Variants in OVCH1 observed in about 807,000 individuals in gnomAD.
OVCH1 encodes ovochymase 1.
A neutral mutation model predicts 138.4 loss-of-function variants in OVCH1; 139 were observed. The ratio of observed to expected loss-of-function variants is 1.00; its 90% CI spans 0.87 to 1.16. The LOEUF is 1.16. Ranked by LOEUF, OVCH1 falls within the 50% of genes most tolerant of loss-of-function variation. The pLI, the probability that OVCH1 is intolerant of heterozygous loss-of-function variation, is 0.00. For missense variants in OVCH1, 1,367 were observed against 1,357.9 expected (o/e 1.01, Z -0.11); for synonymous variants, 453 against 467.8 (o/e 0.97, Z 0.41).
chr12:29,404,040 T>G, the OVCH1 span, among the ~76,000 whole-genome samples: 1 of 152,166 alleles, frequency 6.6e-6, no homozygotes, highest in Non-Finnish European at 1.5e-5. Context: ...AACACCAACC[T>G]CTGCAATGAT....
intron 19 of OVCH1, among the ~76,000 whole-genome samples, chr12:29,455,770 C>T (rs1941933381): frequency 6.6e-6 from 1 of 152,136 alleles, no homozygotes; most frequent in African/African-American, 2.4e-5. Flanking sequence ...AAAATTTAAT[C>T]AGAAAACTGC....
At chr12:29,433,257 T>C (rs1204752067) in intron 27 of OVCH1, among the ~76,000 whole-genome samples, 1 of 152,034 alleles carries the variant, frequency 6.6e-6, no homozygotes, top group Non-Finnish European at 1.5e-5. Flanking sequence ...CGGTAGGAGG[T>C]AATTGAATCA....
At chr12:29,485,438 C>T (rs922150653) in intron 8 of OVCH1, among the ~76,000 whole-genome samples, 12 of 149,942 alleles carry the variant, frequency 8.0e-5, no homozygotes, top group African/African-American at 2.7e-4. Context: ...GTCAGGAGTT[C>T]GAGACCAGCC....
At chr12:29,464,456 T>C (rs1452987828) in intron 18 of OVCH1, 51 bp downstream of exon 18, 4 of 1,572,196 alleles carry the variant, frequency 2.5e-6, no homozygotes, top group Non-Finnish European at 3.5e-6. Context: ...CATGACCTAT[T>C]TTCAAAAATA....
At chr12:29,407,784 A>C (rs1246259244), downstream of OVCH1, among the ~76,000 whole-genome samples, 1 of 151,224 alleles carries the variant, frequency 6.6e-6, no homozygotes, top group African/African-American at 2.4e-5. Context: ...TGACTTGGCT[A>C]TGCGGGCTCT....
exon 15 of OVCH1, chr12:29,473,069 G>A (rs2136013701): frequency 6.2e-7 from 1 of 1,610,854 alleles, no homozygotes. Context: ...GATTGTTTTG[G>A]GGAGGTAACT....
chr12:29,496,656 C>A (rs201067443), exon 2 of OVCH1: 3 of 1,612,132 alleles, frequency 1.9e-6, no homozygotes, highest in Non-Finnish European at 2.5e-6. Flanking sequence ...GTTGACCATG[C>A]GAATTCCACA....
exon 28 of OVCH1, chr12:29,427,597 C>T: frequency 6.4e-7 from 1 of 1,551,424 alleles, no homozygotes; most frequent in African/African-American, 1.4e-5. Flanking sequence ...GAGCCCTTAG[C>T]AGGCACCAAA....
In OVCH1 at chr12:29,489,781, G is replaced by C; in HGVS notation, c.551-10C>G. On this transcript the variant is annotated splice_polypyrimidine_tract_variant and intron_variant, in intron 5 of 27. Transcript: ENST00000318184. ...TTTGAATATTCTGATGCTGTAGAGA[G>C]AGGACAGATAAGTTAGCACACAATA... is the stretch of plus-strand genomic sequence containing the variant. 3.7e-6 allele frequency: 6 copies of C among 1,606,726 alleles called. No individual in the cohort carries two copies. The highest frequency in any genetic ancestry group is 5.1e-6 in the Non-Finnish European group (6 of 1,176,430).
intron 19 of OVCH1, among the ~76,000 whole-genome samples, chr12:29,458,748 G>A (rs1309357164): frequency 6.6e-6 from 1 of 152,100 alleles, no homozygotes; most frequent in Non-Finnish European, 1.5e-5. Context: ...TCTGATGTGA[G>A]ATTAATAACC....
chr12:29,488,654 G>GAAAAAAAAA (rs1555155752), intron 6 of OVCH1, among the ~76,000 whole-genome samples: 1 of 140,400 alleles, frequency 7.1e-6, no homozygotes, highest in African/African-American at 2.7e-5. Context: ...GAAAGGAAAG[G>GAAAAAAAAA]ACCACATTGG....
chr12:29,406,644 T>C, the OVCH1 span, among the ~76,000 whole-genome samples: 1 of 149,910 alleles, frequency 6.7e-6, no homozygotes, highest in Non-Finnish European at 1.5e-5. Context: ...CTCATCATTT[T>C]TTATGGCTGC....
At chr12:29,477,003 C>G in intron 12 of OVCH1, 99 bp downstream of exon 12, 4 of 1,333,592 alleles carry the variant, frequency 3.0e-6, no homozygotes, top group Middle Eastern at 2.0e-4. Flanking sequence ...AAAGAAGCTC[C>G]TAGTCATAAT....
chr12:29,476,215 G>A, exon 13 of OVCH1: 1 of 1,612,014 alleles, frequency 6.2e-7, no homozygotes, highest in South Asian at 1.1e-5. Flanking sequence ...CCTAACTTGT[G>A]CTTTTCTTCA....
At chr12:29,416,707 G>A (rs1311842411) in intron 3 of OVCH1, among the ~76,000 whole-genome samples, 2 of 152,132 alleles carry the variant, frequency 1.3e-5, no homozygotes, top group Non-Finnish European at 2.9e-5. Context: ...TTGCTGGTGG[G>A]AATATAAAAT....
At chr12:29,423,592 A>G (rs1941136020), downstream of OVCH1, among the ~76,000 whole-genome samples, 1 of 152,204 alleles carries the variant, frequency 6.6e-6, no homozygotes, top group Admixed American at 6.5e-5. Context: ...CGCGAAGATA[A>G]CTAGACAGAG....
intron 27 of OVCH1, among the ~76,000 whole-genome samples, chr12:29,430,435 G>T (rs942439908): frequency 1.2e-4 from 18 of 152,270 alleles, no homozygotes; most frequent in African/African-American, 4.3e-4. Context: ...TTAGGTGGGG[G>T]CAGGGCTAAG....
chr12:29,403,202 GC>G, the OVCH1 span, among the ~76,000 whole-genome samples: 1 of 152,046 alleles, frequency 6.6e-6, no homozygotes, highest in Non-Finnish European at 1.5e-5. Context: ...ATATAAAGTA[GC>G]TAATTTTCAA....
chr12:29,473,099 A>T, exon 15 of OVCH1: 1 of 1,598,296 alleles, frequency 6.3e-7, no homozygotes, highest in South Asian at 1.1e-5. Context: ...ATTTGTTTAA[A>T]GACTCTGTAG....
Sources: allele counts gnomAD v4.1 joint callset (sites outside exome capture counted in the v4.1 genomes callset), GRCh38; gene constraint gnomAD v4.1.1; transcripts MANE v1.5; gene names NCBI Gene and HGNC (gene_info 2026-07-23, HGNC 2026-07-21).